The following CAST variants were observed in gnomAD, a reference collection of about 807,000 sequenced individuals.
CAST encodes the protein MIR583 host.
Under a neutral mutation model 119.6 loss-of-function variants are expected in CAST, and 76 were observed. That is an observed-to-expected ratio of 0.64 (90% CI 0.53 to 0.77). The LOEUF (loss-of-function observed/expected upper bound fraction) is 0.77. Ranked by LOEUF, CAST falls within the 30% of genes least tolerant of loss-of-function variation. The pLI, the probability that CAST is intolerant of heterozygous loss-of-function variation, is 0.00. For missense variants in CAST, 953 were observed against 946.5 expected, an observed-to-expected ratio of 1.01 and a Z score of -0.09; for synonymous variants, 319 against 331.6, an observed-to-expected ratio of 0.96 and a Z score of 0.41.
the CAST span, among the ~76,000 whole-genome samples, chr5:96,343,885 T>C: frequency 6.6e-6 from 1 of 152,216 alleles, no homozygotes; most frequent in South Asian, 2.1e-4. Flanking sequence ...ACTAATTAAC[T>C]CTAAATTTAC....
intron 1 of CAST, among the ~76,000 whole-genome samples, chr5:96,620,292 T>TTC (rs1352937213): frequency 1.3e-5 from 2 of 151,812 alleles, no homozygotes; most frequent in African/African-American, 4.8e-5. Flanking sequence ...CTTTTTCTTT[T>TTC]TTTTTTTTTT....
chr5:96,441,499 C>G, the CAST span, among the ~76,000 whole-genome samples: 29,593 of 151,798 alleles, frequency 0.19, 3,113 homozygotes, highest in East Asian at 0.33. Flanking sequence ...GCCTTGAGAA[C>G]CTGATCCTTC....
chr5:96,646,749 A>G (rs896999649), intron 1 of CAST, among the ~76,000 whole-genome samples: 2 of 152,182 alleles, frequency 1.3e-5, no homozygotes, highest in African/African-American at 2.4e-5. Flanking sequence ...TAAACACAGC[A>G]TTTCTTTGTC....
At chr5:96,210,021 TC>T in the CAST span, 2 of 151,970 alleles carry the variant, frequency 1.3e-5, no homozygotes, top group Admixed American at 6.6e-5. Context: ...GTTTTTTTTT[TC>T]ATTAAGATAT....
At chr5:96,412,750 A>ATTTTTTTTTTTTTTTTTT in the CAST span, among the ~76,000 whole-genome samples, 2 of 63,386 alleles carry the variant, frequency 3.2e-5, no homozygotes, top group African/African-American at 1.6e-4. Context: ...GGCAGCTGTG[A>ATTTTTTTTTTTTTTTTTT]TGTTTTTTTT....
the CAST span, among the ~76,000 whole-genome samples, chr5:96,002,480 C>T: frequency 6.6e-6 from 1 of 152,114 alleles, no homozygotes; most frequent in Non-Finnish European, 1.5e-5. Context: ...AAGTTGAAAG[C>T]AGAGGAAGAG....
chr5:96,213,328 G>C, the CAST span: 7 of 152,056 alleles, frequency 4.6e-5, no homozygotes, highest in Middle Eastern at 6.8e-3. Flanking sequence ...GTAGACAGCA[G>C]GTAATTGAGT....
chr5:96,247,634 T>G, the CAST span: 1 of 152,260 alleles, frequency 6.6e-6, no homozygotes, highest in African/African-American at 2.4e-5. Flanking sequence ...TACTGGGTCC[T>G]GAGTTACAGC....
In CAST at chr5:96,534,688, G is replaced by GGAGGGA. The variant is rs1561408693; in HGVS notation, c.60+4808_60+4809insGAGGGA. 2.2e-4 allele frequency among the ~76,000 whole-genome samples: 8 copies of GGAGGGA among 36,902 alleles called. 1 individual carries two copies. The highest frequency in any genetic ancestry group is 4.2e-4 in the Admixed American group (1 of 2,400). The allele number at this position is 36,902 out of a possible 152,430, so 24.2% of individuals were successfully genotyped here. ...CATCAAAGAAAGAAAGAGAGAGAGA[G>GGAGGGA]AGGAAGGAAGGAAGGAAGGAAGGAA... On this transcript the variant is annotated intron_variant, in intron 1 of 11. Transcript: ENST00000505143.
At chr5:96,072,155 G>C in the CAST span, among the ~76,000 whole-genome samples, 1 of 152,180 alleles carries the variant, frequency 6.6e-6, no homozygotes, top group Non-Finnish European at 1.5e-5. Flanking sequence ...AAGGAGCTCA[G>C]AATGGGTGGG....
the CAST span, among the ~76,000 whole-genome samples, chr5:96,201,708 TACC>T: frequency 6.6e-6 from 1 of 152,046 alleles, no homozygotes; most frequent in Non-Finnish European, 1.5e-5. Context: ...CCTGCTCCAA[TACC>T]ACCAGTTCTG....
the CAST span, among the ~76,000 whole-genome samples, chr5:96,195,470 A>G: frequency 6.6e-6 from 1 of 152,202 alleles, no homozygotes. Context: ...TGGAAAACAG[A>G]CAAAGTGAAC....
the CAST span, among the ~76,000 whole-genome samples, chr5:96,375,751 G>T: frequency 6.6e-6 from 1 of 151,570 alleles, no homozygotes; most frequent in Non-Finnish European, 1.5e-5. Flanking sequence ...AAAAACTGAA[G>T]GTTCCCACCG....
the CAST span, among the ~76,000 whole-genome samples, chr5:96,473,780 G>T: frequency 1.3e-5 from 2 of 152,144 alleles, no homozygotes; most frequent in Non-Finnish European, 2.9e-5. Flanking sequence ...CGCATGACTG[G>T]TCTGTACAAA....
chr5:96,503,566 C>T, the CAST span, among the ~76,000 whole-genome samples: 50,440 of 152,110 alleles, frequency 0.33, 9,718 homozygotes, highest in Non-Finnish European at 0.44. Flanking sequence ...ACACGATTCC[C>T]GTGGGATTTC....
intron 1 of CAST, among the ~76,000 whole-genome samples, chr5:96,543,384 C>T (rs979451251): frequency 8.6e-5 from 13 of 151,666 alleles, no homozygotes; most frequent in Admixed American, 3.3e-4. Flanking sequence ...GCCTGTGGGG[C>T]TTGGGGGGCA....
chr5:96,574,838 A>T (rs1313824612), intron 1 of CAST, among the ~76,000 whole-genome samples: 2 of 152,224 alleles, frequency 1.3e-5, no homozygotes, highest in African/African-American at 4.8e-5. Context: ...CATACGAAAC[A>T]GCACATTCCT....
the CAST span, among the ~76,000 whole-genome samples, chr5:96,359,862 G>A: frequency 3.3e-5 from 5 of 152,082 alleles, no homozygotes; most frequent in African/African-American, 4.8e-5. Flanking sequence ...TGTATTTTCT[G>A]AGTTTGACTA....
the CAST span, among the ~76,000 whole-genome samples, chr5:96,366,038 C>G: frequency 6.6e-6 from 1 of 152,204 alleles, no homozygotes; most frequent in Non-Finnish European, 1.5e-5. Flanking sequence ...GACAAAATCT[C>G]TCAGCATTTG....
Sources: gnomAD v4.1 joint callset for allele counts (sites outside exome capture counted in the v4.1 genomes callset) on GRCh38, gnomAD v4.1.1 for gene constraint, MANE v1.5 for transcripts, NCBI Gene and HGNC (gene_info 2026-07-23, HGNC 2026-07-21) for gene names.